BRAF: variants seen among roughly 807,000 people sequenced by gnomAD.
BRAF encodes serine/threonine-protein kinase B-raf.
BRAF carries 16 observed loss-of-function variants against 104.6 expected under a neutral mutation model. That is an observed-to-expected ratio of 0.15 (90% confidence interval 0.10 to 0.23). BRAF has a LOEUF of 0.23. Among genes scored for constraint, BRAF ranks in the 10% least tolerant of loss-of-function variants. The probability of loss-of-function intolerance (pLI) is 1.00; values close to 1 mark genes in which losing one functional copy is unlikely to be tolerated. For synonymous variants in BRAF, 310 were observed against 341.6 expected, an observed-to-expected ratio of 0.91 and a Z score of 1.02; for missense variants, 541 against 937.3, an observed-to-expected ratio of 0.58 and a Z score of 5.52.
chr7:140,839,614 C>T (rs188657615), intron 2 of BRAF, among the ~76,000 whole-genome samples: 79 of 152,220 alleles, frequency 5.2e-4, no homozygotes, highest in Non-Finnish European at 2.8e-4. Flanking sequence ...CATATAGTCC[C>T]AGCAACCCAG....
At chr7:140,806,939 C>G (rs1243306347) in intron 5 of BRAF, among the ~76,000 whole-genome samples, 1 of 152,116 alleles carries the variant, frequency 6.6e-6, no homozygotes, top group Admixed American at 6.6e-5. Context: ...TGGGAAAACA[C>G]TTGACGCCTA....
chr7:140,829,036 T>C (rs1215350857), intron 3 of BRAF, among the ~76,000 whole-genome samples: 1 of 152,212 alleles, frequency 6.6e-6, no homozygotes, highest in Non-Finnish European at 1.5e-5. Flanking sequence ...ACGAACTGCC[T>C]ATTTATATCT....
chr7:140,894,205 C>T (rs1208123941), intron 1 of BRAF, among the ~76,000 whole-genome samples: 1 of 152,066 alleles, frequency 6.6e-6, no homozygotes, highest in Non-Finnish European at 1.5e-5. Flanking sequence ...ATAAAAAGAC[C>T]ACTTCAGAAA....
intron 14 of BRAF, among the ~76,000 whole-genome samples, chr7:140,761,923 C>T (rs1272469637): frequency 6.6e-6 from 1 of 152,104 alleles, no homozygotes; most frequent in African/African-American, 2.4e-5. Flanking sequence ...GACTTAGACT[C>T]CCACACAATA....
chr7:140,799,012 A>ATTT, intron 7 of BRAF: 1 of 159,192 alleles, frequency 6.3e-6, no homozygotes. Context: ...TGCCCAGCTA[A>ATTT]TTTTTTTTTT....
At chr7:140,798,334 C>A (rs987433489) in intron 7 of BRAF, among the ~76,000 whole-genome samples, 1 of 131,264 alleles carries the variant, frequency 7.6e-6, no homozygotes, top group Non-Finnish European at 1.5e-5. Context: ...GTGATCTCGG[C>A]CCGCTACAAG....
At chr7:140,852,391 A>C (rs1809274279) in intron 1 of BRAF, among the ~76,000 whole-genome samples, 1 of 101,052 alleles carries the variant, frequency 9.9e-6, no homozygotes, top group Non-Finnish European at 1.9e-5. Context: ...ACAACCTGCC[A>C]AAAAAAAAAA....
chr7:140,770,894 C>CT (rs995369091), intron 14 of BRAF, among the ~76,000 whole-genome samples: 1 of 144,670 alleles, frequency 6.9e-6, no homozygotes, highest in African/African-American at 2.6e-5. Flanking sequence ...GGTCGTGCCA[C>CT]TGTACTCCAG....
At chr7:140,719,250 C>A, downstream of BRAF, 1 of 557,500 alleles carries the variant, frequency 1.8e-6, no homozygotes, top group Non-Finnish European at 2.3e-6. Context: ...CTCAGTCTCT[C>A]CATTGTCTAG....
chr7:140,767,295 T>C (rs6953658), intron 14 of BRAF, among the ~76,000 whole-genome samples: 45,758 of 151,990 alleles, frequency 0.3, 10,959 homozygotes, highest in African/African-American at 0.67. Context: ...TGAACCACCG[T>C]GCCCAGCCAA....
chr7:140,884,797 T>C (rs933342658), intron 1 of BRAF, among the ~76,000 whole-genome samples: 1 of 152,072 alleles, frequency 6.6e-6, no homozygotes, highest in Admixed American at 6.6e-5. Context: ...CTTTTATCTA[T>C]GTAGTTTATC....
intron 3 of BRAF, among the ~76,000 whole-genome samples, chr7:140,819,725 T>G (rs1183487166): frequency 6.6e-6 from 1 of 152,120 alleles, no homozygotes; most frequent in Non-Finnish European, 1.5e-5. Flanking sequence ...GTAAAAGAAG[T>G]CAGTCACAAA....
At chr7:140,756,864 C>A (rs1178428781) in intron 14 of BRAF, among the ~76,000 whole-genome samples, 1 of 152,186 alleles carries the variant, frequency 6.6e-6, no homozygotes, top group Non-Finnish European at 1.5e-5. Flanking sequence ...CTTAGAGCTA[C>A]AAAATCATCT....
At chr7:140,750,549 TG>T (rs1486544527) in intron 16 of BRAF, among the ~76,000 whole-genome samples, 2 of 152,214 alleles carry the variant, frequency 1.3e-5, no homozygotes, top group African/African-American at 2.4e-5. Flanking sequence ...GAACCACTGA[TG>T]GAAGATCTGT....
intron 17 of BRAF, among the ~76,000 whole-genome samples, chr7:140,742,330 T>C (rs1461734858): frequency 6.6e-6 from 1 of 152,042 alleles, no homozygotes; most frequent in African/African-American, 2.4e-5. Flanking sequence ...TAGCTGGGAT[T>C]ACAGGTGCAC....
intron 17 of BRAF, among the ~76,000 whole-genome samples, chr7:140,748,453 TC>T (rs1019157326): frequency 2.0e-5 from 3 of 152,144 alleles, no homozygotes; most frequent in African/African-American, 7.2e-5. Flanking sequence ...CTCCAGTTTC[TC>T]CATTTTTAAG....
At chr7:140,796,866 C>A (rs1043881956) in intron 7 of BRAF, among the ~76,000 whole-genome samples, 2 of 152,122 alleles carry the variant, frequency 1.3e-5, no homozygotes, top group East Asian at 3.8e-4. Context: ...TGAGTGGTGG[C>A]GCACACAACA....
chr7:140,856,249 G>A (rs569992790), intron 1 of BRAF, among the ~76,000 whole-genome samples: 1 of 151,792 alleles, frequency 6.6e-6, no homozygotes, highest in Admixed American at 6.6e-5. Flanking sequence ...GTTACGAAAG[G>A]TGGGGTTGGG....
At chr7:140,767,875 T>C (rs2129012302) in intron 14 of BRAF, among the ~76,000 whole-genome samples, 1 of 152,310 alleles carries the variant, frequency 6.6e-6, no homozygotes, top group African/African-American at 2.4e-5. Context: ...GTAATGTATA[T>C]AAAGTACACA....
Sources: gnomAD v4.1 joint callset for allele counts (sites outside exome capture counted in the v4.1 genomes callset) on GRCh38, gnomAD v4.1.1 for gene constraint, MANE v1.5 for transcripts, NCBI Gene and HGNC (gene_info 2026-07-23, HGNC 2026-07-21) for gene names.